Variants in PRKCH observed in about 807,000 individuals in gnomAD.
PRKCH encodes the protein protein kinase C eta type.
PRKCH carries 28 observed loss-of-function variants against 82.5 expected under a neutral mutation model. The observed-to-expected ratio is 0.34, with a 90% CI of 0.25 to 0.47. The LOEUF (loss-of-function observed/expected upper bound fraction) is 0.47. PRKCH is among the 20% of genes least tolerant of loss of function. The pLI, the probability that PRKCH is intolerant of heterozygous loss-of-function variation, is 1.00. For missense variants in PRKCH, 705 were observed against 881.8 expected (o/e 0.80, Z 2.54); for synonymous variants, 322 against 327.4 (o/e 0.98, Z 0.18).
intron 1 of PRKCH, among the ~76,000 whole-genome samples, chr14:61,245,456 A>G (rs905317242): frequency 6.6e-6 from 1 of 152,222 alleles, no homozygotes; most frequent in South Asian, 2.1e-4. Flanking sequence ...GAAACTCTCA[A>G]AAGAGTTAAG....
At chr14:61,277,433 G>T (rs1162484081) in intron 1 of PRKCH, 1 of 152,010 alleles carries the variant, frequency 6.6e-6, no homozygotes, top group African/African-American at 2.4e-5. Context: ...CAATTGTTGA[G>T]GTTCACTCTT....
chr14:61,450,206 G>A (rs1212000155), intron 5 of PRKCH, among the ~76,000 whole-genome samples: 1 of 152,162 alleles, frequency 6.6e-6, no homozygotes, highest in African/African-American at 2.4e-5. Flanking sequence ...TGTCATGCAT[G>A]GATCTGTTGT....
chr14:61,490,419 C>G (rs1886404431), intron 10 of PRKCH, among the ~76,000 whole-genome samples: 1 of 152,224 alleles, frequency 6.6e-6, no homozygotes, highest in Non-Finnish European at 1.5e-5. Flanking sequence ...AAGCTAGTCT[C>G]TGAACATAGT....
chr14:61,483,763 C>G (rs934004910), intron 9 of PRKCH, among the ~76,000 whole-genome samples: 1 of 152,168 alleles, frequency 6.6e-6, no homozygotes, highest in African/African-American at 2.4e-5. Flanking sequence ...AAGATAGGTT[C>G]AAGGCTGGGT....
chr14:61,457,727 A>G, intron 9 of PRKCH, 48 bp downstream of exon 9: 16 of 1,595,628 alleles, frequency 1.0e-5, no homozygotes, highest in Non-Finnish European at 1.4e-5. Flanking sequence ...TTTCTTACAG[A>G]GCTGAGACAG....
chr14:61,470,456 G>A (rs572916837), intron 9 of PRKCH, among the ~76,000 whole-genome samples: 4 of 152,060 alleles, frequency 2.6e-5, no homozygotes, highest in East Asian at 1.9e-4. Flanking sequence ...TATCAAGAGC[G>A]ACTGACTCTT....
intron 4 of PRKCH, among the ~76,000 whole-genome samples, chr14:61,446,522 T>C (rs1314187216): frequency 6.6e-6 from 1 of 152,234 alleles, no homozygotes; most frequent in Admixed American, 6.5e-5. Context: ...AATCTCACCT[T>C]CTCTTCTGGA....
intron 1 of PRKCH, among the ~76,000 whole-genome samples, chr14:61,339,202 C>G (rs895431802): frequency 2.0e-5 from 3 of 151,944 alleles, no homozygotes; most frequent in African/African-American, 7.3e-5. Flanking sequence ...GAGCTGGCCT[C>G]CTGTTCAGGC....
At position 61,285,244 on chromosome 14, in the gene PRKCH, A is replaced by G. The variant is rs2045304823; in HGVS notation, c.-19+97576A>G. ...TATTTACACTGCCACACCAATGTATATATTTTGATACTTTCACCAAAAATT... is the reference window on the plus strand; with the variant it reads ...TATTTACACTGCCACACCAATGTATGTATTTTGATACTTTCACCAAAAATT... On this transcript the variant is annotated intron_variant, in intron 1 of 3. Coordinates refer to the PRKCH transcript ENST00000555185. Among the ~76,000 whole-genome samples, 3 of 152,356 alleles carry G rather than the reference A, an allele frequency of 2.0e-5. No individual in the cohort carries two copies. In the South Asian group the frequency reaches 6.2e-4, roughly 32 times the overall value.
intron 9 of PRKCH, among the ~76,000 whole-genome samples, chr14:61,462,208 G>A (rs563026611): frequency 1.2e-4 from 19 of 152,260 alleles, no homozygotes; most frequent in Non-Finnish European, 2.6e-4. Context: ...CCTGGCCAAC[G>A]TGGTGAAACC....
chr14:61,448,346 G>A (rs1195355091), intron 4 of PRKCH, among the ~76,000 whole-genome samples: 2 of 152,184 alleles, frequency 1.3e-5, no homozygotes, highest in African/African-American at 4.8e-5. Context: ...TCAACTATCT[G>A]CAGTGTATCA....
chr14:61,274,475 A>C (rs1458204687), intron 1 of PRKCH, among the ~76,000 whole-genome samples: 1 of 152,192 alleles, frequency 6.6e-6, no homozygotes, highest in Non-Finnish European at 1.5e-5. Context: ...ACTGGAGCCC[A>C]ATTAGGAGGC....
chr14:61,539,645 A>G (rs567039485), intron 12 of PRKCH, among the ~76,000 whole-genome samples: 2 of 151,990 alleles, frequency 1.3e-5, no homozygotes, highest in South Asian at 4.1e-4. Context: ...CCCATTTCAG[A>G]CTCAAGGAAA....
At chr14:61,453,480 CT>C in intron 7 of PRKCH, 127 bp downstream of exon 7, 1 of 765,064 alleles carries the variant, frequency 1.3e-6, no homozygotes, top group Non-Finnish European at 1.8e-6. Flanking sequence ...GACTTATTGC[CT>C]TTCTTTCTTT....
chr14:61,457,136 C>G (rs757424836), intron 7 of PRKCH, 40 bp from the exon 8 acceptor site: 4 of 1,605,064 alleles, frequency 2.5e-6, no homozygotes, highest in Non-Finnish European at 3.4e-6. Flanking sequence ...CTCCATGCTT[C>G]TGCTGCAATT....
At chr14:61,472,763 G>T (rs147189686) in intron 9 of PRKCH, among the ~76,000 whole-genome samples, 12 of 152,264 alleles carry the variant, frequency 7.9e-5, no homozygotes, top group African/African-American at 2.9e-4. Flanking sequence ...CTATCTTAAG[G>T]CTGAATAGTC....
intron 1 of PRKCH, among the ~76,000 whole-genome samples, chr14:61,273,283 C>G (rs1342614398): frequency 6.6e-6 from 1 of 152,128 alleles, no homozygotes; most frequent in East Asian, 1.9e-4. Context: ...ATGTAGATAT[C>G]AAGATGTGCC....
chr14:61,266,558 A>C (rs780474431), intron 1 of PRKCH, among the ~76,000 whole-genome samples: 26 of 152,258 alleles, frequency 1.7e-4, no homozygotes, highest in Non-Finnish European at 2.9e-4. Flanking sequence ...AGTAAAATGC[A>C]TTGCAGGGAA....
intron 12 of PRKCH, among the ~76,000 whole-genome samples, chr14:61,538,633 G>A (rs906270166): frequency 2.6e-5 from 4 of 152,202 alleles, no homozygotes; most frequent in African/African-American, 9.6e-5. Context: ...CAAAGCTTTT[G>A]TAAAATGACC....
Sources: allele counts gnomAD v4.1 joint callset (sites outside exome capture counted in the v4.1 genomes callset), GRCh38; gene constraint gnomAD v4.1.1; transcripts MANE v1.5; gene names NCBI Gene and HGNC (gene_info 2026-07-23, HGNC 2026-07-21).